The following JAK2 variants were observed in gnomAD, a reference collection of about 807,000 sequenced individuals.
The protein encoded by JAK2 is Janus kinase 2.
A neutral mutation model predicts 139.3 loss-of-function variants in JAK2; 86 were observed. That is an observed-to-expected ratio of 0.62 (90% CI 0.52 to 0.74). The LOEUF is 0.74. Ranked by LOEUF, JAK2 falls within the 30% of genes least tolerant of loss-of-function variation. The pLI, the probability that JAK2 is intolerant of heterozygous loss-of-function variation, is 0.00. For synonymous variants in JAK2, 490 were observed against 437.7 expected (o/e 1.12, Z -1.49); for missense variants, 1,421 against 1,360.3 (o/e 1.04, Z -0.70).
rs58424625 is a variant in JAK2, at chr9:5,062,500, TAAAAAAAAAAAAAAAA to T, written c.1057-2367_1057-2352del. On this transcript the variant is annotated intron_variant, in intron 8 of 24. Transcript: ENST00000381652. Reference sequence around the variant, plus strand: ...AAGTTTGTCAGAAACCTTCCATTTGTAAAAAAAAAAAAAAAAAAAAAAAAAAAAAAAGGTCATATCT... The same window carrying T: ...AAGTTTGTCAGAAACCTTCCATTTGTAAAAAAAAAAAAAAAGGTCATATCT... Among the ~76,000 whole-genome samples, 257 of 58,252 alleles carry T rather than the reference TAAAAAAAAAAAAAAAA, an allele frequency of 4.4e-3. 2 individuals carry two copies. The highest frequency in any genetic ancestry group is 8.2e-3 in the Middle Eastern group (1 of 122). 38.2% of individuals were successfully genotyped at this position (58,252 alleles called of 152,430 possible).
intron 5 of JAK2, among the ~76,000 whole-genome samples, chr9:5,045,666 G>A (rs1273304665): frequency 6.6e-6 from 1 of 152,070 alleles, no homozygotes; most frequent in Non-Finnish European, 1.5e-5. Flanking sequence ...GAGTTATATA[G>A]CATTTGTCCT....
chr9:5,063,819 G>C (rs1247264693), intron 8 of JAK2, among the ~76,000 whole-genome samples: 1 of 152,080 alleles, frequency 6.6e-6, no homozygotes, highest in African/African-American at 2.4e-5. Flanking sequence ...TCCCATGTAA[G>C]TAACATGCTG....
chr9:5,036,550 T>G (rs1823616596), intron 4 of JAK2, among the ~76,000 whole-genome samples: 1 of 151,830 alleles, frequency 6.6e-6, no homozygotes, highest in Non-Finnish European at 1.5e-5. Context: ...TGGAAAGAAA[T>G]AATGCTACCT....
At chr9:5,069,589 C>G (rs373710281) in intron 11 of JAK2, among the ~76,000 whole-genome samples, 1 of 151,838 alleles carries the variant, frequency 6.6e-6, no homozygotes, top group African/African-American at 2.4e-5. Context: ...AAATAATGAG[C>G]CTTACTATTA....
chr9:5,056,784 GA>G (rs1334733553), intron 8 of JAK2, among the ~76,000 whole-genome samples: 12 of 152,136 alleles, frequency 7.9e-5, no homozygotes, highest in African/African-American at 2.9e-4. Flanking sequence ...ATCTTAATGT[GA>G]ACAAACTGTA....
chr9:5,020,688 G>T (rs1183329391), intron 2 of JAK2, among the ~76,000 whole-genome samples: 1 of 152,182 alleles, frequency 6.6e-6, no homozygotes, highest in Non-Finnish European at 1.5e-5. Flanking sequence ...AGCTGTAGGT[G>T]GTAGAGCTTG....
At chr9:5,079,148 C>T (rs909982716) in intron 16 of JAK2, among the ~76,000 whole-genome samples, 1 of 152,080 alleles carries the variant, frequency 6.6e-6, no homozygotes, top group Admixed American at 6.6e-5. Flanking sequence ...GGCAGTAGTA[C>T]AGGAGTAGGG....
rs755260907 is a variant in JAK2 at position 5,111,813 on chromosome 9, C to T, written c.3060-11191C>T. The T allele has an allele frequency of 1.4e-5, 6 of 420,764 alleles. No homozygotes were observed. The East Asian group carries it at 1.9e-4, about 14-fold the overall frequency. 26.1% of individuals were successfully genotyped at this position (420,764 alleles called of 1,614,324 possible). On this transcript the variant is annotated intron_variant, in intron 22 of 24. Transcript: ENST00000381652. ...TCCTTGGCCCCCGGAGCCACGTAGG[C>T]GGCGTCTCCAGCCACACGCCTGTCG...
chr9:5,108,308 AATT>A (rs1473090903), intron 22 of JAK2: 1 of 151,956 alleles, frequency 6.6e-6, no homozygotes, highest in Non-Finnish European at 1.5e-5. Flanking sequence ...TTCCTACCCT[AATT>A]ATTATTATCA....
intron 2 of JAK2, among the ~76,000 whole-genome samples, chr9:5,021,592 C>A (rs1297359067): frequency 6.6e-6 from 1 of 152,100 alleles, no homozygotes; most frequent in African/African-American, 2.4e-5. Flanking sequence ...ATGAAGGGTG[C>A]CTTATCAATA....
chr9:5,007,998 G>C (rs1587818453), intron 2 of JAK2, among the ~76,000 whole-genome samples: 1 of 152,020 alleles, frequency 6.6e-6, no homozygotes. Context: ...CAAAGTGCTG[G>C]GATTACAGGC....
intron 2 of JAK2, among the ~76,000 whole-genome samples, chr9:4,992,017 C>T (rs1406351563): frequency 2.6e-5 from 4 of 152,128 alleles, no homozygotes; most frequent in Non-Finnish European, 5.9e-5. Flanking sequence ...TCACAGATAC[C>T]ATGGGTCAGT....
intron 16 of JAK2, 29 bp downstream of exon 16, chr9:5,078,473 T>C (rs2130592372): frequency 6.4e-7 from 1 of 1,559,810 alleles, no homozygotes; most frequent in Non-Finnish European, 8.7e-7. Context: ...ATATATAATG[T>C]TACTAAGCTT....
chr9:5,107,652 A>G (rs1044144533), intron 22 of JAK2, among the ~76,000 whole-genome samples: 1 of 152,198 alleles, frequency 6.6e-6, no homozygotes, highest in Non-Finnish European at 1.5e-5. Flanking sequence ...CTCTATTTAC[A>G]TCAACATTAT....
chr9:5,036,607 G>C (rs1016779671), intron 4 of JAK2, among the ~76,000 whole-genome samples: 2 of 152,134 alleles, frequency 1.3e-5, no homozygotes, highest in Non-Finnish European at 2.9e-5. Flanking sequence ...AACAAGAAAT[G>C]GGGAAAGGAT....
chr9:4,995,893 TACTG>T (rs1440518178), intron 2 of JAK2, among the ~76,000 whole-genome samples: 2 of 152,182 alleles, frequency 1.3e-5, no homozygotes, highest in African/African-American at 4.8e-5. Context: ...TTTTTGTACT[TACTG>T]AATGGGCATT....
intron 22 of JAK2, among the ~76,000 whole-genome samples, chr9:5,095,729 G>C (rs1422511486): frequency 6.6e-6 from 1 of 152,082 alleles, no homozygotes; most frequent in East Asian, 1.9e-4. Context: ...GGTTGAGGAG[G>C]ACTTAATCAA....
chr9:5,128,922 T>C lies in JAK2; in HGVS notation c.*2131T>C, dbSNP rs1294712422. 6.6e-6 allele frequency among the ~76,000 whole-genome samples: 1 copy of C among 152,044 alleles called. No homozygotes were observed. The highest frequency in any genetic ancestry group is 2.4e-5 in the African/African-American group (1 of 41,456). On this transcript the variant is annotated 3_prime_UTR_variant, in exon 25 of 25. Transcript: ENST00000381652. ...TTAGAATTATGTAATTCTGTAACTA[T>C]TCCAGTATATTAAGTTATACAATCT...
chr9:5,019,176 A>G (rs1822256571), intron 2 of JAK2, among the ~76,000 whole-genome samples: 1 of 152,160 alleles, frequency 6.6e-6, no homozygotes, highest in African/African-American at 2.4e-5. Flanking sequence ...ATTGTCTTCT[A>G]GAATACTGAA....
Sources: gnomAD v4.1 joint callset for allele counts (sites outside exome capture counted in the v4.1 genomes callset) on GRCh38, gnomAD v4.1.1 for gene constraint, MANE v1.5 for transcripts, NCBI Gene and HGNC (gene_info 2026-07-23, HGNC 2026-07-21) for gene names.